SPOCK1: variants seen among roughly 807,000 people sequenced by gnomAD.
SPOCK1 encodes testican-1.
Under a neutral mutation model 55.3 loss-of-function variants are expected in SPOCK1, and 23 were observed. The ratio of observed to expected loss-of-function variants is 0.42; its 90% CI spans 0.30 to 0.59. SPOCK1 has a LOEUF of 0.59. Among genes scored for constraint, SPOCK1 ranks in the 20% least tolerant of loss-of-function variants. The pLI is 0.22. For synonymous variants in SPOCK1, 226 were observed against 221.0 expected, an observed-to-expected ratio of 1.02 and a Z score of -0.20; for missense variants, 499 against 552.5, an observed-to-expected ratio of 0.90 and a Z score of 0.97.
chr5:137,325,553 C>T (rs1758059950), intron 2 of SPOCK1, among the ~76,000 whole-genome samples: 2 of 152,214 alleles, frequency 1.3e-5, no homozygotes, highest in South Asian at 2.1e-4. Flanking sequence ...AACAGAACTT[C>T]AAGGCAGTAA....
At chr5:137,337,487 A>G (rs1203993010) in intron 2 of SPOCK1, among the ~76,000 whole-genome samples, 3 of 152,218 alleles carry the variant, frequency 2.0e-5, no homozygotes, top group Admixed American at 2.0e-4. Context: ...ATCATGTACC[A>G]TGAAAATAAT....
At chr5:137,466,160 G>A (rs1753616182) in intron 2 of SPOCK1, among the ~76,000 whole-genome samples, 1 of 152,214 alleles carries the variant, frequency 6.6e-6, no homozygotes, top group Admixed American at 6.5e-5. Flanking sequence ...AAAACAAGCT[G>A]TAATCACAGT....
chr5:137,140,070 G>C (rs1324936552), intron 4 of SPOCK1, among the ~76,000 whole-genome samples: 1 of 152,190 alleles, frequency 6.6e-6, no homozygotes, highest in Non-Finnish European at 1.5e-5. Context: ...TTCCCAGAAG[G>C]AATGGTGGTG....
intron 3 of SPOCK1, among the ~76,000 whole-genome samples, chr5:137,144,055 G>A (rs1029323479): frequency 6.6e-6 from 1 of 152,170 alleles, no homozygotes; most frequent in Non-Finnish European, 1.5e-5. Context: ...GGGGCAGCCA[G>A]ATTACCCAGT....
At chr5:137,490,491 C>T (rs1034077715) in intron 2 of SPOCK1, among the ~76,000 whole-genome samples, 1 of 152,110 alleles carries the variant, frequency 6.6e-6, no homozygotes, top group Non-Finnish European at 1.5e-5. Context: ...ATACACAGGC[C>T]GGTTGGATCA....
At chr5:137,243,713 G>A (rs1756336177) in intron 3 of SPOCK1, among the ~76,000 whole-genome samples, 1 of 152,134 alleles carries the variant, frequency 6.6e-6, no homozygotes, top group Non-Finnish European at 1.5e-5. Context: ...TTTTCTGCTT[G>A]CATAAATATC....
At chr5:137,413,483 T>A (rs1752252384) in intron 2 of SPOCK1, among the ~76,000 whole-genome samples, 1 of 151,992 alleles carries the variant, frequency 6.6e-6, no homozygotes, top group East Asian at 1.9e-4. Context: ...GATAGATGAA[T>A]GGGATTTCTA....
At chr5:137,110,672 GA>G (rs1348725624) in intron 5 of SPOCK1, among the ~76,000 whole-genome samples, 1 of 152,198 alleles carries the variant, frequency 6.6e-6, no homozygotes, top group East Asian at 1.9e-4. Context: ...TGGCTATTGA[GA>G]AAGGCTATAA....
At position 137,289,730 on chromosome 5, in the gene SPOCK1, G is replaced by C. The variant is rs149392357; in HGVS notation, c.187-22675C>G. Among the ~76,000 whole-genome samples, 648 of 152,236 alleles carry C rather than the reference G, an allele frequency of 4.3e-3. 3 individuals are homozygous for C. Among genetic ancestry groups the C allele is most frequent in the African/African-American group, 0.015 (626 of 41,540 alleles). On this transcript the variant is annotated intron_variant, in intron 2 of 10. Transcript: ENST00000394945. ...ACCTCAAAAAAACACCAAAAAGAGA[G>C]TGAAAAGCCAAGCCACATAGTGAGA...
At chr5:137,189,008 T>C (rs1755125930) in intron 3 of SPOCK1, among the ~76,000 whole-genome samples, 1 of 152,264 alleles carries the variant, frequency 6.6e-6, no homozygotes, top group Non-Finnish European at 1.5e-5. Context: ...AGCAAGGCCC[T>C]AATTCTCTTC....
At chr5:137,056,107 G>T (rs1322652120) in intron 6 of SPOCK1, among the ~76,000 whole-genome samples, 1 of 152,200 alleles carries the variant, frequency 6.6e-6, no homozygotes, top group Non-Finnish European at 1.5e-5. Flanking sequence ...TCTAATCTGT[G>T]CCATGCACTG....
At chr5:137,178,752 G>T (rs774767983) in intron 3 of SPOCK1, among the ~76,000 whole-genome samples, 2 of 152,236 alleles carry the variant, frequency 1.3e-5, no homozygotes, top group African/African-American at 2.4e-5. Context: ...GACTAAGACT[G>T]CCAGTGACCT....
chr5:137,374,901 T>C (rs903722067), intron 2 of SPOCK1, among the ~76,000 whole-genome samples: 6 of 152,020 alleles, frequency 3.9e-5, no homozygotes, highest in Non-Finnish European at 7.4e-5. Flanking sequence ...AGAAGCCAGG[T>C]CTGAACCAAC....
At chr5:137,314,230 C>T (rs1319644521) in intron 2 of SPOCK1, among the ~76,000 whole-genome samples, 1 of 152,114 alleles carries the variant, frequency 6.6e-6, no homozygotes, top group South Asian at 2.1e-4. Context: ...CAACCAGGCA[C>T]ATCACTGCTC....
chr5:137,012,287 T>C (rs1751366227), intron 6 of SPOCK1, among the ~76,000 whole-genome samples: 1 of 152,168 alleles, frequency 6.6e-6, no homozygotes, highest in Non-Finnish European at 1.5e-5. Context: ...GTCTGTCCTG[T>C]TGTATCCTGC....
chr5:137,107,018 C>A (rs1753384539), intron 5 of SPOCK1, among the ~76,000 whole-genome samples: 1 of 152,138 alleles, frequency 6.6e-6, no homozygotes, highest in Admixed American at 6.5e-5. Flanking sequence ...CTCTTTCCAG[C>A]CTTAAGATCT....
At position 137,035,775 on chromosome 5, in the gene SPOCK1, G is replaced by A. The variant is rs538353554; in HGVS notation, c.589+31940C>T. On this transcript the variant is annotated intron_variant, in intron 6 of 10. Transcript: ENST00000394945. ...TCTGCTAGCAAGTCCTCACCCCACG[G>A]TGCCCAGGAGACTACTCAACTTGCC... 3.9e-5 allele frequency among the ~76,000 whole-genome samples: 6 copies of A among 152,302 alleles called. No individual in the cohort carries two copies. The East Asian group carries it at 1.2e-3, about 29-fold the overall frequency.
At chr5:137,140,819 C>T (rs747944379) in intron 3 of SPOCK1, 125 bp from the exon 4 acceptor site, 335 of 545,048 alleles carry the variant, frequency 6.1e-4, no homozygotes, top group Non-Finnish European at 8.2e-4. Flanking sequence ...TGTGCGGTGG[C>T]GCGATCTCAG....
Position 136,988,477 on chromosome 5 carries a change from G to T in SPOCK1, c.873C>A (p.Phe291Leu). The T allele has an allele frequency of 6.2e-7, 1 of 1,614,104 alleles. No individual in the cohort carries two copies. The highest frequency in any genetic ancestry group is 2.2e-5 in the East Asian group (1 of 44,868). ...IKPLFNSCDSFKDGKLSNNEW... is the reference protein window; with the variant it reads ...IKPLFNSCDSLKDGKLSNNEW... ...CATTGTTAGAAAGCTTGCCATCCTT[G>T]AAGGAGTCACACGAGTTGAAAAGAG... Residue 291 changes from phenylalanine (F) to leucine (L), a missense_variant, in exon 8 of 11, where the codon TTC (phenylalanine) becomes TTA (leucine). By Grantham distance (22) the Phe-to-Leu change is conservative (BLOSUM62 0). Coordinates refer to ENST00000394945, the MANE Select transcript of SPOCK1 (RefSeq NM_004598.4).
Sources: gnomAD v4.1 joint callset for allele counts (sites outside exome capture counted in the v4.1 genomes callset) on GRCh38, gnomAD v4.1.1 for gene constraint, MANE v1.5 for transcripts, NCBI Gene and HGNC (gene_info 2026-07-23, HGNC 2026-07-21) for gene names.